SYT1: variants seen among roughly 807,000 people sequenced by gnomAD.
SYT1 encodes synaptotagmin-1.
SYT1 carries 8 observed loss-of-function variants against 44.8 expected under a neutral mutation model. The observed-to-expected ratio is 0.18, with a 90% CI of 0.10 to 0.32. SYT1 has a LOEUF of 0.32. SYT1 is among the 10% of genes least tolerant of loss of function. The pLI is 1.00. For synonymous variants in SYT1, 154 were observed against 188.8 expected, an observed-to-expected ratio of 0.82 and a Z score of 1.51; for missense variants, 286 against 509.3, an observed-to-expected ratio of 0.56 and a Z score of 4.22.
At chr12:78,982,957 C>A (rs1427613742) in intron 2 of SYT1, among the ~76,000 whole-genome samples, 1 of 152,052 alleles carries the variant, frequency 6.6e-6, no homozygotes, top group Non-Finnish European at 1.5e-5. Context: ...GGCCCCTGTC[C>A]TCATGGAGAC....
intron 1 of SYT1, among the ~76,000 whole-genome samples, chr12:78,964,552 A>T (rs1879671693): frequency 1.3e-5 from 2 of 152,202 alleles, no homozygotes; most frequent in African/African-American, 4.8e-5. Flanking sequence ...TCAAAACTAC[A>T]CTGAATGGTC....
At chr12:79,138,513 C>G (rs1869343553) in intron 3 of SYT1, among the ~76,000 whole-genome samples, 1 of 152,230 alleles carries the variant, frequency 6.6e-6, no homozygotes, top group African/African-American at 2.4e-5. Context: ...TCTCTCACTT[C>G]TATTCACCTC....
At chr12:79,248,262 A>C (rs578200385) in intron 4 of SYT1, among the ~76,000 whole-genome samples, 1 of 152,214 alleles carries the variant, frequency 6.6e-6, no homozygotes, top group Non-Finnish European at 1.5e-5. Flanking sequence ...GAGATGAATG[A>C]GATGGATAAA....
At chr12:79,310,281 C>T (rs1171605566) in intron 8 of SYT1, among the ~76,000 whole-genome samples, 2 of 152,086 alleles carry the variant, frequency 1.3e-5, no homozygotes, top group East Asian at 3.8e-4. Flanking sequence ...GGAATCCTTT[C>T]CCAATTGCTT....
rs979036864 is a variant in SYT1 at position 79,429,502 on chromosome 12, C to T, written c.929-14571C>T. Among the ~76,000 whole-genome samples, 14 of 152,040 alleles carry T rather than the reference C, an allele frequency of 9.2e-5. No individual in the cohort carries two copies. The South Asian group carries it at 1.7e-3, about 18-fold the overall frequency. On this transcript the variant is annotated intron_variant, in intron 9 of 10. Coordinates refer to ENST00000261205, the MANE Select transcript of SYT1 (RefSeq NM_005639.3). ...GGGATTACAGACCACTATGCCCAGC[C>T]TGGATTTTTATTATGATTTTTTTGT...
chr12:78,875,264 G>A (rs112151896), intron 1 of SYT1, among the ~76,000 whole-genome samples: 343 of 151,592 alleles, frequency 2.3e-3, no homozygotes, highest in African/African-American at 7.8e-3. Context: ...TATATGCCAG[G>A]CACCATTTGG....
At chr12:79,144,841 T>C (rs2138229741) in intron 3 of SYT1, among the ~76,000 whole-genome samples, 1 of 152,370 alleles carries the variant, frequency 6.6e-6, no homozygotes, top group South Asian at 2.1e-4. Flanking sequence ...CACTGTTTCA[T>C]CCTATTTAGC....
At position 79,199,648 on chromosome 12, in the gene SYT1, C is replaced by T. The variant is rs571810954; in HGVS notation, c.-17-17855C>T. 1.5e-3 allele frequency among the ~76,000 whole-genome samples: 229 copies of T among 152,132 alleles called. 1 individual carries two copies. Among genetic ancestry groups the T allele is most frequent in the Middle Eastern group, 0.01 (3 of 294 alleles). On this transcript the variant is annotated intron_variant, in intron 3 of 10. Transcript: ENST00000261205. ...GACACCAGAGAAAAATGAAAAATCACGAGCAAATTCACCTAAGTTTACTCA... is the reference window on the plus strand; with the variant it reads ...GACACCAGAGAAAAATGAAAAATCATGAGCAAATTCACCTAAGTTTACTCA...
intron 9 of SYT1, among the ~76,000 whole-genome samples, chr12:79,372,311 GAAGTA>G (rs1242587093): frequency 3.3e-5 from 5 of 152,300 alleles, no homozygotes; most frequent in Admixed American, 6.5e-5. Flanking sequence ...GAACTGAATT[GAAGTA>G]AAGTGAATTA....
At chr12:79,244,900 G>GT (rs1370167602) in intron 4 of SYT1, among the ~76,000 whole-genome samples, 1 of 151,960 alleles carries the variant, frequency 6.6e-6, no homozygotes, top group Non-Finnish European at 1.5e-5. Flanking sequence ...AATGGAATGA[G>GT]AACTTTAAAA....
chr12:79,405,400 T>G (rs896931141), intron 9 of SYT1, among the ~76,000 whole-genome samples: 6 of 152,208 alleles, frequency 3.9e-5, no homozygotes, highest in Non-Finnish European at 8.8e-5. Context: ...ATAATTTAAA[T>G]ATTGATTAAT....
chr12:79,213,853 TG>T lies in SYT1; in HGVS notation c.-17-3648del, dbSNP rs1270567101. 4.6e-5 allele frequency among the ~76,000 whole-genome samples: 7 copies of T among 152,254 alleles called. No homozygotes were observed. The East Asian group carries it at 1.2e-3, about 25-fold the overall frequency. On this transcript the variant is annotated intron_variant, in intron 3 of 10. Transcript: ENST00000261205. ...GGCAGAATTGCTTGAAGCCAAGAGA[TG>T]GAAGTTGCAGTGAGCAGAAATTGCA...
chr12:78,892,842 G>A (rs76685322), intron 1 of SYT1, among the ~76,000 whole-genome samples: 10,624 of 151,734 alleles, frequency 0.07, 1,126 homozygotes, highest in African/African-American at 0.23. Flanking sequence ...ACACAATATT[G>A]TTGAAATAAC....
chr12:79,292,425 C>T (rs938766339), intron 6 of SYT1, among the ~76,000 whole-genome samples: 7 of 152,236 alleles, frequency 4.6e-5, no homozygotes, highest in African/African-American at 1.7e-4. Context: ...CTTCTAGCCA[C>T]AGTCTCACCT....
intron 3 of SYT1, among the ~76,000 whole-genome samples, chr12:79,113,947 G>T: frequency 6.6e-6 from 1 of 152,002 alleles, no homozygotes; most frequent in East Asian, 1.9e-4. Flanking sequence ...GCCTCCATCC[G>T]TTCATTCAAC....
At chr12:78,941,844 C>T (rs1270111855) in intron 1 of SYT1, among the ~76,000 whole-genome samples, 1 of 152,144 alleles carries the variant, frequency 6.6e-6, no homozygotes, top group South Asian at 2.1e-4. Flanking sequence ...TTCATTACAC[C>T]AGTTGGGGGT....
chr12:79,093,508 AC>A (rs2138013591), intron 3 of SYT1, among the ~76,000 whole-genome samples: 1 of 151,866 alleles, frequency 6.6e-6, no homozygotes, highest in Non-Finnish European at 1.5e-5. Flanking sequence ...AAAAGAGAAG[AC>A]CAAAGTTTAG....
At chr12:79,169,965 T>C (rs1009439817) in intron 3 of SYT1, among the ~76,000 whole-genome samples, 3 of 152,124 alleles carry the variant, frequency 2.0e-5, no homozygotes, top group Non-Finnish European at 4.4e-5. Flanking sequence ...TTTCTGTTCC[T>C]GTATTAGTTT....
intron 2 of SYT1, among the ~76,000 whole-genome samples, chr12:78,994,701 A>C: frequency 6.6e-6 from 1 of 151,466 alleles, no homozygotes. Context: ...GTGCCCAGCT[A>C]ATTTTTTGTA....
Sources: allele counts gnomAD v4.1 joint callset (sites outside exome capture counted in the v4.1 genomes callset), GRCh38; gene constraint gnomAD v4.1.1; transcripts MANE v1.5; gene names NCBI Gene and HGNC (gene_info 2026-07-23, HGNC 2026-07-21).